The following CUX1 variants were observed in gnomAD, a reference collection of about 807,000 sequenced individuals.
CUX1 encodes the protein cut like homeobox 1, also known as protein CASP.
CUX1 carries 31 observed loss-of-function variants against 158.8 expected under a neutral mutation model. The ratio of observed to expected loss-of-function variants is 0.20; its 90% CI spans 0.15 to 0.26. The LOEUF (loss-of-function observed/expected upper bound fraction) is 0.26, where lower values mean the gene tolerates loss of function less well. Ranked by LOEUF, CUX1 falls within the 10% of genes least tolerant of loss-of-function variation. The pLI, the probability that CUX1 is intolerant of heterozygous loss-of-function variation, is 1.00. For synonymous variants in CUX1, 879 were observed against 862.1 expected (o/e 1.02, Z -0.34); for missense variants, 1,589 against 2,014.6 (o/e 0.79, Z 4.04).
Position 102,222,811 on chromosome 7 carries a change from C to CTTTTTTTTTTTTTTTTTTTTTTT in CUX1, c.3131-4552_3131-4530dup, listed in dbSNP as rs71123016. Among the ~76,000 whole-genome samples, 47 of 25,524 alleles carry CTTTTTTTTTTTTTTTTTTTTTTT rather than the reference C, an allele frequency of 1.8e-3. 18 individuals are homozygous for CTTTTTTTTTTTTTTTTTTTTTTT. Among genetic ancestry groups the CTTTTTTTTTTTTTTTTTTTTTTT allele is most frequent in the African/African-American group, 2.2e-3 (13 of 5,802 alleles). 16.7% of individuals were successfully genotyped at this position (25,524 alleles called of 152,430 possible). On this transcript the variant is annotated intron_variant, in intron 20 of 23. Coordinates refer to ENST00000292535, the MANE Select transcript of CUX1 (RefSeq NM_181552.4). ...GGCTGTGTGTCTCGGGGCACCGTAT[C>CTTTTTTTTTTTTTTTTTTTTTTT]TTTTTTTTTTTTTTTTTTTTTTTTT...
Position 102,013,781 on chromosome 7 carries a change from T to C in CUX1, c.142-14317T>C, listed in dbSNP as rs376219933. 3.2e-4 allele frequency among the ~76,000 whole-genome samples: 48 copies of C among 152,296 alleles called. 2 individuals carry two copies. The East Asian group carries it at 3.3e-3, about 10-fold the overall frequency. ...GTGCAGTGGCACAGTCACGGCTCAC[T>C]GCACCCTCGACCTCTCTGGGCTAAG... On this transcript the variant is annotated intron_variant, in intron 2 of 23. Coordinates refer to ENST00000292535, the MANE Select transcript of CUX1 (RefSeq NM_181552.4).
At chr7:102,172,095 C>CT (rs1266664045) in intron 10 of CUX1, among the ~76,000 whole-genome samples, 28 of 151,802 alleles carry the variant, frequency 1.8e-4, no homozygotes, top group African/African-American at 3.4e-4. Context: ...ACCGTTATTT[C>CT]TTTTTTTTGA....
chr7:101,935,338 T>C (rs913965796), intron 2 of CUX1, among the ~76,000 whole-genome samples: 2 of 152,148 alleles, frequency 1.3e-5, no homozygotes, highest in Admixed American at 1.3e-4. Context: ...TCGCTGACTC[T>C]CTTTTCAGAC....
chr7:101,908,693 G>A (rs1193988462), intron 1 of CUX1, among the ~76,000 whole-genome samples: 1 of 152,174 alleles, frequency 6.6e-6, no homozygotes, highest in African/African-American at 2.4e-5. Context: ...TGGCAGTCAG[G>A]GTTGACTTAT....
intron 8 of CUX1, among the ~76,000 whole-genome samples, chr7:102,140,317 G>A (rs1834305621): frequency 1.3e-5 from 2 of 152,044 alleles, no homozygotes; most frequent in Admixed American, 6.5e-5. Context: ...CACGATCTCG[G>A]CTCACTGCAA....
intron 1 of CUX1, among the ~76,000 whole-genome samples, chr7:101,915,039 C>T (rs1021513706): frequency 2.0e-5 from 3 of 152,020 alleles, no homozygotes; most frequent in Non-Finnish European, 4.4e-5. Flanking sequence ...TTTTTCTCGC[C>T]GTTCAGCTCT....
chr7:101,897,512 A>T (rs77305154), intron 1 of CUX1, among the ~76,000 whole-genome samples: 1 of 151,136 alleles, frequency 6.6e-6, no homozygotes, highest in Non-Finnish European at 1.5e-5. Context: ...AAAAAAAAAA[A>T]ATAATAATAA....
At chr7:101,816,967 G>A, upstream of CUX1, 1 of 983,612 alleles carries the variant, frequency 1.0e-6, no homozygotes, top group Non-Finnish European at 1.2e-6. Context: ...GGCCACCCGC[G>A]CACCTCGCGG....
chr7:101,941,061 C>T (rs1176252313), intron 2 of CUX1, among the ~76,000 whole-genome samples: 1 of 152,186 alleles, frequency 6.6e-6, no homozygotes, highest in Non-Finnish European at 1.5e-5. Context: ...GCCGGGCTTC[C>T]TTGAGGCAGG....
intron 4 of CUX1, among the ~76,000 whole-genome samples, chr7:102,080,006 A>G (rs1585570836): frequency 6.6e-6 from 1 of 152,280 alleles, no homozygotes; most frequent in East Asian, 1.9e-4. Flanking sequence ...CTGGGGCTCA[A>G]TCCGCCTCTC....
chr7:101,885,148 C>T (rs983014296), intron 1 of CUX1, among the ~76,000 whole-genome samples: 1 of 152,218 alleles, frequency 6.6e-6, no homozygotes, highest in African/African-American at 2.4e-5. Context: ...TGGCGGGAGT[C>T]TGGGAGGAAT....
intron 11 of CUX1, among the ~76,000 whole-genome samples, chr7:102,187,728 C>T (rs1272094056): frequency 2.0e-5 from 3 of 150,410 alleles, no homozygotes; most frequent in South Asian, 2.1e-4. Flanking sequence ...CCAGGATGGT[C>T]TCAATCTCCT....
At chr7:102,029,149 C>T (rs952553355) in intron 3 of CUX1, among the ~76,000 whole-genome samples, 1 of 152,092 alleles carries the variant, frequency 6.6e-6, no homozygotes, top group African/African-American at 2.4e-5. Context: ...TGCACCACCA[C>T]ACCCAGCTAA....
chr7:102,241,586 G>A (rs1800218962), intron 23 of CUX1, among the ~76,000 whole-genome samples: 1 of 152,096 alleles, frequency 6.6e-6, no homozygotes, highest in Non-Finnish European at 1.5e-5. Flanking sequence ...TCCTAAAGGG[G>A]CCCAGTAAAC....
At chr7:102,134,399 T>C (rs1303715548) in intron 8 of CUX1, among the ~76,000 whole-genome samples, 2 of 152,198 alleles carry the variant, frequency 1.3e-5, no homozygotes, top group Non-Finnish European at 2.9e-5. Flanking sequence ...TCCTTGGTCC[T>C]TAAAACATGA....
chr7:102,085,213 A>T (rs2130787946), intron 4 of CUX1, among the ~76,000 whole-genome samples: 1 of 152,276 alleles, frequency 6.6e-6, no homozygotes, highest in South Asian at 2.1e-4. Context: ...GATAAATCTT[A>T]CTTAGCCATG....
rs542307068 is a variant in CUX1 at position 102,191,461 on chromosome 7, G to A, written c.1076+1590G>A. On this transcript the variant is annotated intron_variant, in intron 12 of 23. Coordinates refer to ENST00000292535, the MANE Select transcript of CUX1 (RefSeq NM_181552.4). ...TTGGTCAGGCTGGTCTCAATCTCCC[G>A]ACCTCAGGTGATCCACCCACCTCAG... 1.1e-4 allele frequency among the ~76,000 whole-genome samples: 16 copies of A among 152,118 alleles called. No homozygotes were observed. The East Asian group carries it at 2.7e-3, about 26-fold the overall frequency.
At chr7:101,976,954 C>A (rs574671408) in intron 2 of CUX1, among the ~76,000 whole-genome samples, 1 of 81,628 alleles carries the variant, frequency 1.2e-5, no homozygotes, top group East Asian at 2.7e-4. Flanking sequence ...TTCTTGTTAC[C>A]CAGGCTGGAG....
intron 20 of CUX1, among the ~76,000 whole-genome samples, chr7:102,213,633 G>A (rs986015118): frequency 6.6e-6 from 1 of 152,202 alleles, no homozygotes; most frequent in Non-Finnish European, 1.5e-5. Flanking sequence ...AGCACATTGG[G>A]CATTCAGTAC....
Sources: gnomAD v4.1 joint callset for allele counts (sites outside exome capture counted in the v4.1 genomes callset) on GRCh38, gnomAD v4.1.1 for gene constraint, MANE v1.5 for transcripts, NCBI Gene and HGNC (gene_info 2026-07-23, HGNC 2026-07-21) for gene names.